Variants in UTP20 observed in about 807,000 individuals in gnomAD.
UTP20 encodes the protein UTP20 small subunit processome component, also known as small subunit processome component 20 homolog.
UTP20 carries 164 observed loss-of-function variants against 329.5 expected under a neutral mutation model. The ratio of observed to expected loss-of-function variants is 0.50; its 90% CI spans 0.44 to 0.57. The LOEUF (loss-of-function observed/expected upper bound fraction) is 0.57, where lower values mean the gene tolerates loss of function less well. UTP20 is among the 20% of genes least tolerant of loss of function. The probability of loss-of-function intolerance (pLI) is 0.00; values close to 1 mark genes in which losing one functional copy is unlikely to be tolerated. For synonymous variants in UTP20, 1,151 were observed against 1,159.3 expected (o/e 0.99, Z 0.14); for missense variants, 3,055 against 3,284.2 (o/e 0.93, Z 1.71).
At chr12:101,310,743 C>T (rs12317211) in intron 19 of UTP20, among the ~76,000 whole-genome samples, 81,055 of 151,742 alleles carry the variant, frequency 0.53, 22,990 homozygotes, top group East Asian at 0.94. Context: ...TTAGTTCTTA[C>T]TTGACAGAAT....
intron 4 of UTP20, among the ~76,000 whole-genome samples, chr12:101,286,093 C>A (rs1871952377): frequency 6.6e-6 from 1 of 152,104 alleles, no homozygotes; most frequent in Non-Finnish European, 1.5e-5. Flanking sequence ...TCTCATTTTT[C>A]TTTGACACTA....
intron 12 of UTP20, among the ~76,000 whole-genome samples, chr12:101,297,280 A>G (rs11110741): frequency 0.14 from 20,940 of 152,200 alleles, 1,806 homozygotes; most frequent in Middle Eastern, 0.26. Context: ...CAGTGGCACA[A>G]TCACGGCTCA....
chr12:101,298,936 G>C (rs1406390713), intron 12 of UTP20, among the ~76,000 whole-genome samples: 1 of 151,490 alleles, frequency 6.6e-6, no homozygotes, highest in Non-Finnish European at 1.5e-5. Context: ...TGATAAAAAG[G>C]GTGCAAGAGT....
intron 14 of UTP20, among the ~76,000 whole-genome samples, chr12:101,301,274 C>T (rs1306112347): frequency 3.3e-5 from 5 of 152,060 alleles, no homozygotes; most frequent in African/African-American, 1.2e-4. Flanking sequence ...AATCCCAGCA[C>T]TTTGGGAGGC....
At chr12:101,379,661 C>A in intron 57 of UTP20, 103 bp downstream of exon 57, 1 of 1,272,702 alleles carries the variant, frequency 7.9e-7, no homozygotes, top group Non-Finnish European at 1.1e-6. Flanking sequence ...ACTCTTCCAA[C>A]CAACAATTTG....
intron 35 of UTP20, 24 bp downstream of exon 35, chr12:101,343,117 T>A: frequency 2.0e-6 from 3 of 1,530,746 alleles, no homozygotes; most frequent in African/African-American, 1.4e-5. Flanking sequence ...GCAAAATTTT[T>A]AAATTATTTT....
rs539067629 is a variant in UTP20 at position 101,294,226 on chromosome 12, G to C, written c.1251+981G>C. ...GATTTTTTGTATTTTTAGTGGAGAT[G>C]GGGTTTCACCATGTTAGCCAGGATG... On this transcript the variant is annotated intron_variant, in intron 11 of 61. Transcript: ENST00000261637. Among the ~76,000 whole-genome samples, 11 of 152,064 alleles carry C rather than the reference G, an allele frequency of 7.2e-5. No homozygotes were observed. In the East Asian group the frequency reaches 1.9e-3, roughly 27 times the overall value.
rs149160478 is a variant in UTP20 at position 101,385,657 on chromosome 12, T to C, written c.8131T>C (p.Leu2711=). Residue 2711 remains leucine, a synonymous_variant, in exon 61 of 62, where the codon TTA becomes CTA. Coordinates refer to ENST00000261637, the MANE Select transcript of UTP20 (RefSeq NM_014503.3). ...KKLVGLESFS[L]AFASVQKQAN... ...GCTGGTTGGGCTTGAGAGCTTCTCA[T>C]TAGCCTTTGCCTCTGTACAGAAACA... The C allele has an allele frequency of 1.6e-4, 261 of 1,614,006 alleles. 1 individual carries two copies. The Middle Eastern group carries it at 4.6e-3, about 29-fold the overall frequency.
intron 57 of UTP20, among the ~76,000 whole-genome samples, chr12:101,379,792 G>A (rs1176331405): frequency 6.6e-6 from 1 of 151,968 alleles, no homozygotes; most frequent in African/African-American, 2.4e-5. Flanking sequence ...TGCTTATTTA[G>A]CATGCCCATC....
intron 2 of UTP20, among the ~76,000 whole-genome samples, chr12:101,282,026 CTT>C (rs1247034374): frequency 6.6e-6 from 1 of 152,132 alleles, no homozygotes; most frequent in Non-Finnish European, 1.5e-5. Flanking sequence ...ATGCAGAAGT[CTT>C]TTTCTGCATC....
At chr12:101,361,455 C>T (rs1869912988) in intron 43 of UTP20, among the ~76,000 whole-genome samples, 1 of 150,958 alleles carries the variant, frequency 6.6e-6, no homozygotes, top group Non-Finnish European at 1.5e-5. Context: ...GAAACCCCAT[C>T]TTTACAAAAA....
intron 31 of UTP20, among the ~76,000 whole-genome samples, chr12:101,340,007 A>T (rs904492362): frequency 3.3e-5 from 5 of 152,160 alleles, no homozygotes; most frequent in Non-Finnish European, 7.4e-5. Flanking sequence ...ATGAGAGGAG[A>T]TTAGGAACCA....
At chr12:101,320,019 G>A (rs188753258) in intron 23 of UTP20, among the ~76,000 whole-genome samples, 5 of 152,266 alleles carry the variant, frequency 3.3e-5, no homozygotes, top group East Asian at 3.9e-4. Flanking sequence ...AGGATCTATT[G>A]TAGTCCATTG....
intron 28 of UTP20, among the ~76,000 whole-genome samples, chr12:101,334,193 T>C (rs1449340953): frequency 6.6e-6 from 1 of 152,242 alleles, no homozygotes; most frequent in Non-Finnish European, 1.5e-5. Context: ...AAACCTAAAA[T>C]ACCATTTCCT....
At chr12:101,373,261 A>C (rs1221113846) in intron 52 of UTP20, 140 bp from the exon 53 acceptor site, 1 of 791,488 alleles carries the variant, frequency 1.3e-6, no homozygotes, top group Non-Finnish European at 2.0e-6. Context: ...GATACATACA[A>C]GCATTAAAAT....
intron 11 of UTP20, among the ~76,000 whole-genome samples, chr12:101,293,473 G>T (rs1056219339): frequency 1.3e-5 from 2 of 152,094 alleles, no homozygotes; most frequent in Admixed American, 6.5e-5. Flanking sequence ...TGAAAAAACA[G>T]TTTAAGAAAC....
intron 56 of UTP20, among the ~76,000 whole-genome samples, chr12:101,376,943 C>G (rs771252570): frequency 1.3e-5 from 2 of 152,008 alleles, no homozygotes; most frequent in African/African-American, 4.8e-5. Context: ...CCACCACACC[C>G]GGCCAATTTT....
intron 45 of UTP20, among the ~76,000 whole-genome samples, 162 bp downstream of exon 45, chr12:101,363,905 C>G (rs1346035570): frequency 6.6e-6 from 1 of 151,948 alleles, no homozygotes; most frequent in East Asian, 1.9e-4. Flanking sequence ...TGCTTTGATT[C>G]AAAAATCATA....
intron 44 of UTP20, 83 bp downstream of exon 44, chr12:101,362,143 T>C (rs1869947386): frequency 4.1e-6 from 4 of 964,810 alleles, no homozygotes; most frequent in African/African-American, 1.7e-5. Flanking sequence ...TAAGAAATAA[T>C]AATAGCCCAT....
Sources: allele counts gnomAD v4.1 joint callset (sites outside exome capture counted in the v4.1 genomes callset), GRCh38; gene constraint gnomAD v4.1.1; transcripts MANE v1.5; gene names NCBI Gene and HGNC (gene_info 2026-07-23, HGNC 2026-07-21).